The following ARID1B variants were observed in gnomAD, a reference collection of about 807,000 sequenced individuals.
The protein encoded by ARID1B is AT-rich interactive domain-containing protein 1B.
Under a neutral mutation model 212.3 loss-of-function variants are expected in ARID1B, and 30 were observed. The observed-to-expected ratio is 0.14, with a 90% CI of 0.11 to 0.19. ARID1B has a LOEUF of 0.19. Ranked by LOEUF, ARID1B falls within the 10% of genes least tolerant of loss-of-function variation. The pLI is 1.00. For synonymous variants in ARID1B, 1,402 were observed against 1,301.7 expected (o/e 1.08, Z -1.66); for missense variants, 2,891 against 3,204.0 (o/e 0.90, Z 2.36).
At chr6:157,158,719 ATACCT>A (rs1271876907) in intron 8 of ARID1B, among the ~76,000 whole-genome samples, 1 of 152,072 alleles carries the variant, frequency 6.6e-6, no homozygotes, top group Non-Finnish European at 1.5e-5. Context: ...ACTCCCCTTT[ATACCT>A]TGTGACCTTG....
chr6:156,794,562 G>A (rs945705729), intron 1 of ARID1B, among the ~76,000 whole-genome samples: 3 of 145,380 alleles, frequency 2.1e-5, no homozygotes, highest in Admixed American at 1.4e-4. Context: ...CATGGAGCCT[G>A]GCACATTCTT....
chr6:156,839,476 AT>A (rs768728827), intron 2 of ARID1B, among the ~76,000 whole-genome samples: 1 of 152,190 alleles, frequency 6.6e-6, no homozygotes, highest in Non-Finnish European at 1.5e-5. Context: ...AACACATGAA[AT>A]TTAGGGGATA....
At chr6:156,880,429 A>G (rs1368226354) in intron 2 of ARID1B, among the ~76,000 whole-genome samples, 2 of 152,214 alleles carry the variant, frequency 1.3e-5, no homozygotes. Context: ...TTTATTGTGT[A>G]AGTTTTGCAT....
chr6:157,208,937 G>T lies in ARID1B; in HGVS notation c.*1046G>T, dbSNP rs1794648953. 4.4e-6 allele frequency: 1 copy of T among 229,816 alleles called. No individual in the cohort carries two copies. The highest frequency in any genetic ancestry group is 8.6e-6 in the Non-Finnish European group (1 of 116,288). 14.2% of individuals were successfully genotyped at this position (229,816 alleles called of 1,614,324 possible). A position where few individuals can be genotyped will look rare whatever the true frequency, so the allele number is the denominator to read the frequency against. On this transcript the variant is annotated 3_prime_UTR_variant, in exon 20 of 20. Coordinates refer to ENST00000636930, the MANE Select transcript of ARID1B (RefSeq NM_001374828.1). ...TGTATAAAGTCATGCTCGATTTCAG[G>T]AGAGCAGCTGATCACAATTTGCTTC...
At chr6:156,962,957 T>C (rs78333971) in intron 4 of ARID1B, among the ~76,000 whole-genome samples, 1 of 148,940 alleles carries the variant, frequency 6.7e-6, no homozygotes, top group Non-Finnish European at 1.5e-5. Context: ...ATTTTTTTTT[T>C]ATGTTAGTAG....
At chr6:156,925,396 C>T (rs1791137098) in intron 3 of ARID1B, among the ~76,000 whole-genome samples, 1 of 152,092 alleles carries the variant, frequency 6.6e-6, no homozygotes, top group Non-Finnish European at 1.5e-5. Context: ...GTAGTCCCAG[C>T]TACTCAGGAG....
chr6:156,919,470 G>A (rs1469831669), intron 3 of ARID1B, among the ~76,000 whole-genome samples: 3 of 152,128 alleles, frequency 2.0e-5, no homozygotes, highest in Non-Finnish European at 4.4e-5. Flanking sequence ...TTTTAGAAAG[G>A]GGATGGAAGG....
chr6:156,897,202 TGCTG>T (rs1788485954), intron 2 of ARID1B, among the ~76,000 whole-genome samples: 2 of 74,722 alleles, frequency 2.7e-5, no homozygotes, highest in African/African-American at 1.0e-4. Flanking sequence ...CTGCTGCTGC[TGCTG>T]CTGCTGCTGC....
intron 4 of ARID1B, among the ~76,000 whole-genome samples, chr6:157,051,753 A>G (rs1322194738): frequency 6.6e-6 from 1 of 152,214 alleles, no homozygotes; most frequent in Admixed American, 6.5e-5. Context: ...GAGTAACAGG[A>G]TCTGAGGCAG....
At chr6:156,926,934 C>T (rs1791267370) in intron 3 of ARID1B, among the ~76,000 whole-genome samples, 1 of 152,136 alleles carries the variant, frequency 6.6e-6, no homozygotes, top group South Asian at 2.1e-4. Flanking sequence ...CCTGCCTTGG[C>T]CTCTCAAAGC....
intron 6 of ARID1B, among the ~76,000 whole-genome samples, chr6:157,130,977 G>A (rs1049887556): frequency 6.6e-6 from 1 of 152,126 alleles, no homozygotes; most frequent in Admixed American, 6.5e-5. Context: ...CTTGATTTGG[G>A]GTCCTCTTTG....
intron 1 of ARID1B, among the ~76,000 whole-genome samples, chr6:156,813,397 G>A (rs1158423704): frequency 6.6e-6 from 1 of 151,940 alleles, no homozygotes; most frequent in African/African-American, 2.4e-5. Flanking sequence ...ACAGGCGCGA[G>A]CCATTGCGCT....
intron 11 of ARID1B, among the ~76,000 whole-genome samples, chr6:157,176,553 T>C (rs1792114730): frequency 6.6e-6 from 1 of 152,170 alleles, no homozygotes; most frequent in Non-Finnish European, 1.5e-5. Flanking sequence ...AAACTTAAGA[T>C]AATAATTAAG....
rs543559761 is a variant in ARID1B at position 157,011,860 on chromosome 6, A to C, written c.2248-72802A>C. On this transcript the variant is annotated intron_variant, in intron 4 of 19. Coordinates refer to ENST00000636930, the MANE Select transcript of ARID1B (RefSeq NM_001374828.1). The stretch of plus-strand genomic sequence containing the variant: ...ATGATAATAAGGAACCGACAGATTC[A>C]GGAAGCATACTGCATTCCAGGTGTG... 2.0e-5 allele frequency among the ~76,000 whole-genome samples: 3 copies of C among 152,356 alleles called. No individual in the cohort carries two copies. The East Asian group carries it at 5.8e-4, about 29-fold the overall frequency.
intron 2 of ARID1B, among the ~76,000 whole-genome samples, chr6:156,865,071 A>G (rs532302613): frequency 6.6e-6 from 1 of 152,238 alleles, no homozygotes; most frequent in African/African-American, 2.4e-5. Context: ...AGGACTTCCT[A>G]TCCTAGAGAT....
In ARID1B at chr6:157,200,814, A is replaced by C; in HGVS notation, c.4589A>C (p.Tyr1530Ser). ...SSQQQEMYNQ[Y>S]GGSYSGPDRR... ...CAGCAGCAGGAGATGTACAACCAGT[A>C]TGGAGGCTCCTACTCGGGCCCGGAC... Residue 1530 changes from tyrosine to serine, a missense_variant, in exon 18 of 20, where the codon TAT becomes TCT. Physicochemically the swap from Tyr to Ser is moderately radical, Grantham distance 144. Around this residue, in one of 7 missense-constraint regions of ARID1B, gnomAD observed 666 missense variants for 873.5 expected, o/e 0.76. Coordinates refer to ENST00000636930, the MANE Select transcript of ARID1B (RefSeq NM_001374828.1). This position sits in a 1 kb window ranked among gnomAD's most constrained non-coding sequence, Gnocchi z 4.3. 6.2e-7 allele frequency: 1 copy of C among 1,614,132 alleles called. No homozygotes were observed. Among genetic ancestry groups the C allele is most frequent in the Non-Finnish European group, 8.5e-7 (1 of 1,180,022 alleles).
intron 5 of ARID1B, among the ~76,000 whole-genome samples, chr6:157,090,705 T>A (rs776236192): frequency 6.6e-6 from 1 of 152,268 alleles, no homozygotes; most frequent in Non-Finnish European, 1.5e-5. Flanking sequence ...GGCGCTCACC[T>A]GCCACCTGGC....
At position 156,901,196 on chromosome 6, in the gene ARID1B, C is replaced by T. The variant is rs553006353; in HGVS notation, c.1987-180C>T. ...GGCAAAGCAGATTGCCTTTTGACTT[C>T]ATTTATAGTATGTGAATAGAAAGCA... On this transcript the variant is annotated intron_variant, in intron 2 of 19. Transcript: ENST00000636930. 6.9e-4 allele frequency among the ~76,000 whole-genome samples: 105 copies of T among 152,274 alleles called. 1 individual carries two copies. In the South Asian group the frequency reaches 0.019, roughly 28 times the overall value.
chr6:156,905,245 TGCAC>T (rs1327700281), intron 3 of ARID1B, among the ~76,000 whole-genome samples: 4 of 83,034 alleles, frequency 4.8e-5, no homozygotes, highest in African/African-American at 2.9e-4. Flanking sequence ...TGCTCACATA[TGCAC>T]GCACACACAC....
Sources: allele counts gnomAD v4.1 joint callset (sites outside exome capture counted in the v4.1 genomes callset), GRCh38; gene constraint gnomAD v4.1.1; regional missense constraint gnomAD v4.1.1; non-coding constraint Gnocchi (gnomAD v3.1); transcripts MANE v1.5; gene names NCBI Gene and HGNC (gene_info 2026-07-23, HGNC 2026-07-21).